Variants in MAST4 observed in about 807,000 individuals in gnomAD.
MAST4 encodes microtubule-associated serine/threonine-protein kinase 4.
A neutral mutation model predicts 162.7 loss-of-function variants in MAST4; 89 were observed. The ratio of observed to expected loss-of-function variants is 0.55; its 90% CI spans 0.46 to 0.65. MAST4 has a LOEUF of 0.65. Ranked by LOEUF, MAST4 falls within the 30% of genes least tolerant of loss-of-function variation. The pLI, the probability that MAST4 is intolerant of heterozygous loss-of-function variation, is 0.00. For synonymous variants in MAST4, 1,479 were observed against 1,361.1 expected (o/e 1.09, Z -1.91); for missense variants, 3,153 against 3,374.0 (o/e 0.93, Z 1.62).
chr5:66,891,868 A>C (rs1319460992), intron 3 of MAST4, among the ~76,000 whole-genome samples: 1 of 152,232 alleles, frequency 6.6e-6, no homozygotes, highest in Non-Finnish European at 1.5e-5. Context: ...CGATTGGCTC[A>C]TGTACCAGAG....
intron 1 of MAST4, among the ~76,000 whole-genome samples, chr5:66,616,919 C>T (rs1219844759): frequency 2.0e-5 from 3 of 152,136 alleles, no homozygotes. Flanking sequence ...AATTGCAGTG[C>T]TCAATTATCT....
chr5:67,007,287 C>G (rs990037984), intron 4 of MAST4, among the ~76,000 whole-genome samples: 1 of 152,108 alleles, frequency 6.6e-6, no homozygotes, highest in Non-Finnish European at 1.5e-5. Flanking sequence ...TGTACCTTAC[C>G]GGGCTGAGTA....
At chr5:66,714,664 A>G (rs1171619317) in intron 1 of MAST4, among the ~76,000 whole-genome samples, 1 of 152,208 alleles carries the variant, frequency 6.6e-6, no homozygotes. Flanking sequence ...TATAATACCT[A>G]CAACTTTCTT....
chr5:67,143,546 C>A (rs1040700943), intron 21 of MAST4, among the ~76,000 whole-genome samples: 1 of 152,208 alleles, frequency 6.6e-6, no homozygotes, highest in Non-Finnish European at 1.5e-5. Flanking sequence ...TTTTCTGTTG[C>A]CATGGCATTT....
chr5:67,080,943 T>A (rs1762523124), intron 5 of MAST4, among the ~76,000 whole-genome samples: 1 of 139,404 alleles, frequency 7.2e-6, no homozygotes, highest in Admixed American at 7.8e-5. Flanking sequence ...TTATATATAT[T>A]ATATAATATA....
chr5:66,628,640 G>A (rs1286419174), intron 1 of MAST4, among the ~76,000 whole-genome samples: 1 of 152,050 alleles, frequency 6.6e-6, no homozygotes, highest in African/African-American at 2.4e-5. Context: ...AGGTAGAGGG[G>A]CGGGGGGAAA....
At chr5:67,085,423 A>C (rs1194066552) in intron 5 of MAST4, among the ~76,000 whole-genome samples, 2 of 152,212 alleles carry the variant, frequency 1.3e-5, no homozygotes, top group African/African-American at 4.8e-5. Flanking sequence ...TAAAACGTAA[A>C]TAAAATCATG....
chr5:67,079,351 TTATA>T (rs901198151), intron 5 of MAST4, among the ~76,000 whole-genome samples: 25 of 152,246 alleles, frequency 1.6e-4, no homozygotes, highest in Non-Finnish European at 2.9e-4. Flanking sequence ...ATATAGAACT[TTATA>T]TAAATAATAG....
intron 3 of MAST4, among the ~76,000 whole-genome samples, chr5:66,823,402 G>A (rs1026569980): frequency 1.8e-4 from 27 of 152,172 alleles, no homozygotes; most frequent in African/African-American, 6.3e-4. Context: ...CTTCACTTAT[G>A]TGGTGAGGAT....
chr5:66,732,126 G>A (rs1195114880), intron 1 of MAST4, among the ~76,000 whole-genome samples: 3 of 151,840 alleles, frequency 2.0e-5, no homozygotes, highest in African/African-American at 7.3e-5. Flanking sequence ...TGGTCTTTCT[G>A]AAGCATGGGC....
intron 11 of MAST4, among the ~76,000 whole-genome samples, chr5:67,111,647 C>T (rs887764836): frequency 2.0e-5 from 3 of 152,108 alleles, no homozygotes; most frequent in Non-Finnish European, 2.9e-5. Flanking sequence ...AATTATGGAC[C>T]ACATGTTTGT....
In MAST4 at chr5:66,909,968, G is replaced by A. The variant is rs538499807; in HGVS notation, c.674+9986G>A. Among the ~76,000 whole-genome samples the A allele has an allele frequency of 8.5e-5, 13 of 152,216 alleles. 1 individual carries two copies. The South Asian group carries it at 1.2e-3, about 15-fold the overall frequency. On this transcript the variant is annotated intron_variant, in intron 4 of 28. Coordinates refer to ENST00000403625, the MANE Select transcript of MAST4 (RefSeq NM_001164664.2). The stretch of plus-strand genomic sequence containing the variant: ...TTTTGCCGTGATTGTTGGGACTCTC[G>A]AGCCATGTGGACCTATGAGTCTATT...
At chr5:66,744,922 A>G (rs1403343558) in intron 1 of MAST4, among the ~76,000 whole-genome samples, 1 of 152,176 alleles carries the variant, frequency 6.6e-6, no homozygotes, top group Admixed American at 6.5e-5. Context: ...GCTTCGATGC[A>G]TGTTATTGAA....
intron 14 of MAST4, among the ~76,000 whole-genome samples, chr5:67,127,690 C>T (rs1025417596): frequency 2.6e-5 from 4 of 152,036 alleles, no homozygotes; most frequent in African/African-American, 9.7e-5. Context: ...ATCTGTCCTG[C>T]TACCATCATC....
intron 1 of MAST4, among the ~76,000 whole-genome samples, chr5:66,701,431 CTT>C (rs1189477707): frequency 6.6e-6 from 1 of 152,124 alleles, no homozygotes; most frequent in African/African-American, 2.4e-5. Context: ...GTCTGTAGCT[CTT>C]GTCTAATTTT....
intron 4 of MAST4, among the ~76,000 whole-genome samples, chr5:66,916,624 T>G (rs1309224050): frequency 6.6e-6 from 1 of 152,196 alleles, no homozygotes; most frequent in Non-Finnish European, 1.5e-5. Context: ...TAGACTGGTG[T>G]GTATTCTTCC....
chr5:67,138,147 A>C (rs1037199458), intron 19 of MAST4, among the ~76,000 whole-genome samples: 3 of 152,156 alleles, frequency 2.0e-5, no homozygotes, highest in Non-Finnish European at 4.4e-5. Flanking sequence ...TGCATTGCTC[A>C]TCTCCTCATT....
At position 66,891,045 on chromosome 5, in the gene MAST4, A is replaced by G. The variant is rs548600434; in HGVS notation, c.643-8906A>G. On this transcript the variant is annotated intron_variant, in intron 3 of 28. Coordinates refer to ENST00000403625, the MANE Select transcript of MAST4 (RefSeq NM_001164664.2). Reference sequence around the variant, plus strand: ...TGTCATGAATGATGTTTAACTTTTCATCTAAGCAAAATCTGGGATTTTATT... The same window carrying G: ...TGTCATGAATGATGTTTAACTTTTCGTCTAAGCAAAATCTGGGATTTTATT... 3.9e-4 allele frequency among the ~76,000 whole-genome samples: 60 copies of G among 152,316 alleles called. 1 individual carries two copies. The highest frequency in any genetic ancestry group is 5.7e-4 in the Non-Finnish European group (39 of 68,016).
chr5:66,876,454 C>T (rs1159607097), intron 3 of MAST4, among the ~76,000 whole-genome samples: 2 of 152,126 alleles, frequency 1.3e-5, no homozygotes, highest in Non-Finnish European at 1.5e-5. Context: ...AAGGTATGCT[C>T]TTGTCATGGC....
Sources: gnomAD v4.1 joint callset for allele counts (sites outside exome capture counted in the v4.1 genomes callset) on GRCh38, gnomAD v4.1.1 for gene constraint, MANE v1.5 for transcripts, NCBI Gene and HGNC (gene_info 2026-07-23, HGNC 2026-07-21) for gene names.